The following PDE4D variants were observed in gnomAD, a reference collection of about 807,000 sequenced individuals.
PDE4D encodes phosphodiesterase 4D.
In PDE4D, 24 loss-of-function variants were observed where a neutral mutation model predicts 87.4. The observed-to-expected ratio is 0.27, with a 90% CI of 0.20 to 0.39. The LOEUF (loss-of-function observed/expected upper bound fraction) is 0.39, where lower values mean the gene tolerates loss of function less well. PDE4D is among the 10% of genes least tolerant of loss of function. PDE4D has a pLI of 1.00. For missense variants in PDE4D, 714 were observed against 1,041.0 expected (o/e 0.69, Z 4.32); for synonymous variants, 384 against 383.2 (o/e 1.00, Z -0.02).
chr5:59,670,607 A>T (rs1422023797), intron 1 of PDE4D, among the ~76,000 whole-genome samples: 1 of 152,212 alleles, frequency 6.6e-6, no homozygotes, highest in African/African-American at 2.4e-5. Context: ...CATGTATTCC[A>T]AAATCCAAAA....
chr5:59,109,806 CT>C (rs1333577954), intron 5 of PDE4D, among the ~76,000 whole-genome samples: 1 of 152,182 alleles, frequency 6.6e-6, no homozygotes, highest in Non-Finnish European at 1.5e-5. Flanking sequence ...TTATGAAAAA[CT>C]GTGTCCAAGA....
At chr5:59,315,689 C>T (rs887823754) in intron 1 of PDE4D, among the ~76,000 whole-genome samples, 5 of 152,126 alleles carry the variant, frequency 3.3e-5, no homozygotes, top group African/African-American at 1.2e-4. Flanking sequence ...AGGAATTGAG[C>T]AGGCATGCAC....
intron 1 of PDE4D, among the ~76,000 whole-genome samples, chr5:59,367,254 T>C (rs1186901698): frequency 6.6e-6 from 1 of 152,234 alleles, no homozygotes; most frequent in East Asian, 1.9e-4. Context: ...AAGCATATTA[T>C]AAAATTGTCA....
At chr5:60,247,977 T>C (rs539661343) in intron 1 of PDE4D, among the ~76,000 whole-genome samples, 11 of 152,148 alleles carry the variant, frequency 7.2e-5, no homozygotes, top group Admixed American at 2.6e-4. Context: ...AATTAATAAA[T>C]ATATTTTAGT....
chr5:59,971,256 T>C (rs1012501747), intron 3 of PDE4D, among the ~76,000 whole-genome samples: 1 of 149,876 alleles, frequency 6.7e-6, no homozygotes, highest in Non-Finnish European at 1.5e-5. Context: ...TACCTAATGC[T>C]AGATGACGAG....
intron 1 of PDE4D, among the ~76,000 whole-genome samples, chr5:60,415,379 C>T (rs1470570729): frequency 6.6e-6 from 1 of 152,276 alleles, no homozygotes; most frequent in Non-Finnish European, 1.5e-5. Context: ...CTTCAGCCCT[C>T]CCCTGCACTG....
At chr5:60,073,888 T>A (rs1182098553) in intron 2 of PDE4D, among the ~76,000 whole-genome samples, 3 of 152,180 alleles carry the variant, frequency 2.0e-5, no homozygotes, top group Non-Finnish European at 4.4e-5. Flanking sequence ...ATCTTATTTT[T>A]AAAATTGTGT....
intron 1 of PDE4D, among the ~76,000 whole-genome samples, chr5:59,270,511 C>T (rs1371803010): frequency 6.6e-6 from 1 of 152,040 alleles, no homozygotes; most frequent in African/African-American, 2.4e-5. Context: ...AGGCATTGGC[C>T]TTTTGTTCTT....
intron 1 of PDE4D, among the ~76,000 whole-genome samples, chr5:60,300,914 G>A (rs1220415570): frequency 6.6e-6 from 1 of 152,062 alleles, no homozygotes; most frequent in East Asian, 1.9e-4. Flanking sequence ...GGGATTACAG[G>A]TGCATGCCAC....
chr5:59,078,595 G>A (rs1440885512), intron 5 of PDE4D, among the ~76,000 whole-genome samples: 1 of 151,422 alleles, frequency 6.6e-6, no homozygotes, highest in Non-Finnish European at 1.5e-5. Flanking sequence ...TGTGGCCTCA[G>A]CTTCCCAAGC....
rs1279364837 is a variant in PDE4D, at chr5:58,969,621, G to A, written c.*5043C>T. ...ATTTACCCCACTGAGCTCCTTCATT[G>A]TACTGATCACATATATAATTATATG... On this transcript the variant is annotated 3_prime_UTR_variant, in exon 15 of 15. Coordinates refer to ENST00000340635, the MANE Select transcript of PDE4D (RefSeq NM_001104631.2). The A allele has an allele frequency of 1.3e-5, 2 of 152,076 alleles. No individual in the cohort carries two copies. The highest frequency in any genetic ancestry group is 2.9e-5 in the Non-Finnish European group (2 of 68,038). 9.4% of individuals were successfully genotyped at this position (152,076 alleles called of 1,614,324 possible).
chr5:59,496,332 G>T (rs1008589225), intron 1 of PDE4D, among the ~76,000 whole-genome samples: 1 of 152,130 alleles, frequency 6.6e-6, no homozygotes, highest in African/African-American at 2.4e-5. Flanking sequence ...GGCACAGGAT[G>T]GTAGGGGGCA....
At position 59,518,675 on chromosome 5, in the gene PDE4D, T is replaced by C. The variant is rs140234995; in HGVS notation, c.456-302707A>G. On this transcript the variant is annotated intron_variant, in intron 1 of 14. Coordinates refer to ENST00000340635, the MANE Select transcript of PDE4D (RefSeq NM_001104631.2). ...GTTTCATGGCTGAAGGGGTCACTTA[T>C]CCCCAATTCAGGCATTCGACTACCA... 2.9e-3 allele frequency among the ~76,000 whole-genome samples: 435 copies of C among 152,272 alleles called. 1 individual carries two copies. Among genetic ancestry groups the C allele is most frequent in the African/African-American group, 0.01 (425 of 41,552 alleles).
chr5:59,787,706 A>G (rs1216932926), intron 1 of PDE4D, among the ~76,000 whole-genome samples: 1 of 152,198 alleles, frequency 6.6e-6, no homozygotes, highest in Non-Finnish European at 1.5e-5. Context: ...TAGAAAATAT[A>G]CCAATTAGCG....
chr5:59,477,316 C>A (rs7738023), intron 1 of PDE4D, among the ~76,000 whole-genome samples: 23,282 of 141,356 alleles, frequency 0.16, 2,846 homozygotes, highest in African/African-American at 0.37. Context: ...AACTAACCTG[C>A]ACAATGTGCA....
chr5:59,877,070 C>G (rs1027151044), intron 1 of PDE4D, among the ~76,000 whole-genome samples: 4 of 152,106 alleles, frequency 2.6e-5, no homozygotes, highest in Admixed American at 1.3e-4. Flanking sequence ...TACAACTCTA[C>G]ATGAAAACAC....
At chr5:60,365,857 A>G (rs886560790) in intron 1 of PDE4D, among the ~76,000 whole-genome samples, 10 of 152,092 alleles carry the variant, frequency 6.6e-5, no homozygotes, top group Admixed American at 2.0e-4. Flanking sequence ...CAGCCTGGCC[A>G]ACATGGTGAA....
intron 1 of PDE4D, among the ~76,000 whole-genome samples, chr5:59,700,442 TAAATA>T (rs1752400755): frequency 6.6e-6 from 1 of 152,130 alleles, no homozygotes; most frequent in Admixed American, 6.5e-5. Context: ...TTGCAGAGAT[TAAATA>T]AAACAGCTAT....
At chr5:59,083,999 GA>G (rs1403199914) in intron 5 of PDE4D, among the ~76,000 whole-genome samples, 4 of 151,864 alleles carry the variant, frequency 2.6e-5, no homozygotes, top group Admixed American at 2.0e-4. Flanking sequence ...TTTTGGGGGG[GA>G]CTTGACAAGT....
Sources: allele counts gnomAD v4.1 joint callset (sites outside exome capture counted in the v4.1 genomes callset), GRCh38; gene constraint gnomAD v4.1.1; transcripts MANE v1.5; gene names NCBI Gene and HGNC (gene_info 2026-07-23, HGNC 2026-07-21).